NUDCD1: variants seen among roughly 807,000 people sequenced by gnomAD.
NUDCD1 encodes NudC domain containing 1.
In NUDCD1, 60 loss-of-function variants were observed where a neutral mutation model predicts 67.8. The ratio of observed to expected loss-of-function variants is 0.88; its 90% CI spans 0.72 to 1.10. The LOEUF is 1.10. NUDCD1 is among the 50% of genes least tolerant of loss of function. NUDCD1 has a pLI of 0.00. For synonymous variants in NUDCD1, 244 were observed against 230.8 expected (o/e 1.06, Z -0.52); for missense variants, 643 against 695.0 (o/e 0.93, Z 0.84).
chr8:109,260,354 C>G (rs1195216600), intron 8 of NUDCD1, among the ~76,000 whole-genome samples: 1 of 152,106 alleles, frequency 6.6e-6, no homozygotes, highest in Non-Finnish European at 1.5e-5. Context: ...ACCACCACAC[C>G]TGGCAAATTT....
At chr8:109,290,065 T>A in intron 4 of NUDCD1, 132 bp from the exon 5 acceptor site, 1 of 461,410 alleles carries the variant, frequency 2.2e-6, no homozygotes, top group African/African-American at 2.1e-5. Flanking sequence ...CTATTAAGAG[T>A]CTTTTCATAA....
chr8:109,296,361 A>C, intron 3 of NUDCD1, 23 bp downstream of exon 3: 3 of 1,597,380 alleles, frequency 1.9e-6, no homozygotes, highest in South Asian at 1.1e-5. Context: ...TGGACTTCGC[A>C]TAAGTCTTAA....
Position 109,333,958 on chromosome 8 carries a change from G to T in NUDCD1, c.53C>A (p.Pro18His). The T allele has an allele frequency of 6.2e-7, 1 of 1,614,086 alleles. No homozygotes were observed. The highest frequency in any genetic ancestry group is 1.7e-5 in the Admixed American group (1 of 60,022). The change falls in exon 1 of 10, where the codon CCC becomes CAC. Residue 18 changes from proline (P) to histidine (H), a missense_variant. Pro to His is a moderately conservative substitution (Grantham distance 77). Transcript: ENST00000239690. ...AGAGAGCTTGTAACCCTCGAAGCGG[G>T]GATCCAACAGAGGTCTCTTCACCCG... ...SLRVKRPLLD[P>H]RFEGYKLSLE...
intron 2 of NUDCD1, among the ~76,000 whole-genome samples, chr8:109,320,108 G>A (rs953453158): frequency 6.6e-6 from 1 of 152,190 alleles, no homozygotes; most frequent in East Asian, 1.9e-4. Flanking sequence ...CAGGACTGGG[G>A]CGAAATTAAA....
intron 5 of NUDCD1, among the ~76,000 whole-genome samples, chr8:109,285,471 G>C (rs181321113): frequency 6.6e-6 from 1 of 152,186 alleles, no homozygotes; most frequent in Non-Finnish European, 1.5e-5. Flanking sequence ...CCATGATCAA[G>C]TAAGCTTCAT....
chr8:109,328,456 T>G (rs910642713), intron 1 of NUDCD1, among the ~76,000 whole-genome samples: 1 of 152,102 alleles, frequency 6.6e-6, no homozygotes, highest in Non-Finnish European at 1.5e-5. Context: ...CCCAGAGATC[T>G]GAGAGTCTGC....
chr8:109,284,000 AAAAAAAAC>A (rs941038727), intron 5 of NUDCD1, among the ~76,000 whole-genome samples: 2 of 136,194 alleles, frequency 1.5e-5, no homozygotes, highest in African/African-American at 5.2e-5. Context: ...AAAAAAAAAA[AAAAAAAAC>A]AAAACAAAAA....
chr8:109,271,767 A>G (rs1380144070), intron 7 of NUDCD1, among the ~76,000 whole-genome samples: 1 of 152,208 alleles, frequency 6.6e-6, no homozygotes, highest in African/African-American at 2.4e-5. Flanking sequence ...AGAAATAAAG[A>G]AATTCCTAAA....
At chr8:109,250,684 TATTTTTTTTTC>T (rs1813603578) in intron 8 of NUDCD1, among the ~76,000 whole-genome samples, 1 of 152,210 alleles carries the variant, frequency 6.6e-6, no homozygotes, top group Non-Finnish European at 1.5e-5. Flanking sequence ...CAACGAATGG[TATTTTTTTTTC>T]ATATTCTTTT....
chr8:109,260,999 G>A (rs1484408549), intron 8 of NUDCD1, among the ~76,000 whole-genome samples: 1 of 152,120 alleles, frequency 6.6e-6, no homozygotes, highest in Non-Finnish European at 1.5e-5. Flanking sequence ...GTGGTGACAG[G>A]TAACTTCTGC....
chr8:109,329,793 T>C, intron 1 of NUDCD1: 1 of 1,549,416 alleles, frequency 6.5e-7, no homozygotes. Flanking sequence ...GACAAATTTA[T>C]GTCCTACTTA....
chr8:109,312,165 G>A (rs2130100689), intron 2 of NUDCD1, among the ~76,000 whole-genome samples: 1 of 152,042 alleles, frequency 6.6e-6, no homozygotes, highest in East Asian at 1.9e-4. Context: ...AGACAGGTGT[G>A]GTGGCAGGCA....
chr8:109,328,250 C>G (rs1389238558), intron 1 of NUDCD1, among the ~76,000 whole-genome samples: 1 of 152,176 alleles, frequency 6.6e-6, no homozygotes. Context: ...TACATAAATA[C>G]AACGGTTACA....
rs142278042 is a variant in NUDCD1 at position 109,263,752 on chromosome 8, G to A, written c.1299+7253C>T. 6.3e-3 allele frequency among the ~76,000 whole-genome samples: 963 copies of A among 152,112 alleles called. 6 individuals are homozygous for A. The highest frequency in any genetic ancestry group is 0.012 in the Admixed American group (177 of 15,278). Reference sequence around the variant, plus strand: ...GGGTGCTGGGAGACATCTTCAGGGGGTCCATAGGCTTAAAACTATTTTCAT... The same window carrying A: ...GGGTGCTGGGAGACATCTTCAGGGGATCCATAGGCTTAAAACTATTTTCAT... On this transcript the variant is annotated intron_variant, in intron 8 of 9. Coordinates refer to ENST00000239690, the MANE Select transcript of NUDCD1 (RefSeq NM_032869.4).
At position 109,334,070 on chromosome 8, in the gene NUDCD1, A is replaced by G. The variant is rs1586321908; in HGVS notation, c.-60T>C. 2.5e-6 allele frequency: 4 copies of G among 1,607,218 alleles called. No individual in the cohort carries two copies. The East Asian group carries it at 8.9e-5, about 36-fold the overall frequency. On this transcript the variant is annotated 5_prime_UTR_variant, in exon 1 of 10. Transcript: ENST00000239690. ...GCCCTTGTTGAAAGGTCCGCGCTTC[A>G]CGCCTCGCACAGAGACTGGGAAGCG...
chr8:109,262,400 C>G (rs981675292), intron 8 of NUDCD1, among the ~76,000 whole-genome samples: 1 of 152,196 alleles, frequency 6.6e-6, no homozygotes, highest in African/African-American at 2.4e-5. Flanking sequence ...TCCTTTTCTA[C>G]AGCCAAGTCA....
chr8:109,293,242 A>G lies in NUDCD1; in HGVS notation c.640+102T>C, dbSNP rs137959686. ...TGGCAGGTGCCAGAATTGTAACACA[A>G]TGCCCAAGAAAGAGCAAACAGTATT... On this transcript the variant is annotated intron_variant, in intron 4 of 9. Coordinates refer to ENST00000239690, the MANE Select transcript of NUDCD1 (RefSeq NM_032869.4). 2.3e-4 allele frequency: 130 copies of G among 574,254 alleles called. No homozygotes were observed. In the Middle Eastern group the frequency reaches 9.6e-3, roughly 43 times the overall value. The allele number at this position is 574,254 out of a possible 1,614,324, so 35.6% of individuals were successfully genotyped here.
At chr8:109,249,218 T>C (rs2980595) in intron 8 of NUDCD1, among the ~76,000 whole-genome samples, 54,711 of 151,984 alleles carry the variant, frequency 0.36, 10,694 homozygotes, top group South Asian at 0.5. Flanking sequence ...TCATGTTGAT[T>C]ATTACCTGTC....
At chr8:109,316,794 A>G (rs1815408618) in intron 2 of NUDCD1, among the ~76,000 whole-genome samples, 2 of 152,246 alleles carry the variant, frequency 1.3e-5, no homozygotes, top group Admixed American at 1.3e-4. Context: ...GCAGGTTCCC[A>G]GTCCATGACC....
Sources: allele counts gnomAD v4.1 joint callset (sites outside exome capture counted in the v4.1 genomes callset), GRCh38; gene constraint gnomAD v4.1.1; transcripts MANE v1.5; gene names NCBI Gene and HGNC (gene_info 2026-07-23, HGNC 2026-07-21).